Variants in BAHCC1 observed in about 807,000 individuals in gnomAD.
BAHCC1 encodes BAH and coiled-coil domain-containing protein 1.
A neutral mutation model predicts 88.2 loss-of-function variants in BAHCC1; 43 were observed. The ratio of observed to expected loss-of-function variants is 0.49; its 90% CI spans 0.38 to 0.63. The LOEUF is 0.63. Ranked by LOEUF, BAHCC1 falls within the 20% of genes least tolerant of loss-of-function variation. The pLI is 0.00. For synonymous variants in BAHCC1, 1,510 were observed against 745.5 expected, an observed-to-expected ratio of 2.03 and a Z score of -16.71; for missense variants, 3,023 against 1,654.8, an observed-to-expected ratio of 1.83 and a Z score of -14.34.
At chr17:81,414,495 C>A (rs982150195) in intron 2 of BAHCC1, among the ~76,000 whole-genome samples, 13 of 152,208 alleles carry the variant, frequency 8.5e-5, no homozygotes, top group Non-Finnish European at 4.4e-5. Context: ...GGGCCCCAAA[C>A]CCCCTCGGCC....
At chr17:81,445,946 G>A (rs548246257) in intron 10 of BAHCC1, among the ~76,000 whole-genome samples, 61 of 152,350 alleles carry the variant, frequency 4.0e-4, no homozygotes, top group African/African-American at 1.4e-3. Flanking sequence ...GCTGGCTGTC[G>A]TAGGGGCCCT....
intron 2 of BAHCC1, among the ~76,000 whole-genome samples, chr17:81,412,519 G>A (rs1019695882): frequency 2.0e-5 from 3 of 152,206 alleles, no homozygotes; most frequent in Admixed American, 6.5e-5. Flanking sequence ...GGTGGGAGGC[G>A]GCTGGGGGTC....
At position 81,445,461 on chromosome 17, in the gene BAHCC1, C is replaced by A; in HGVS notation, c.2943C>A (p.Pro981=). The A allele has an allele frequency of 1.3e-6, 1 of 760,162 alleles. No homozygotes were observed. The highest frequency in any genetic ancestry group is 2.5e-5 in the East Asian group (1 of 39,872). 47.1% of individuals were successfully genotyped at this position (760,162 alleles called of 1,614,324 possible). Residue 981 remains proline, a synonymous_variant, in exon 10 of 28, where the codon CCC becomes CCA. Transcript: ENST00000675386. ...VALTPTAPGA[P]SPAAGPTKLP... ...TAACCCCCACGGCCCCGGGCGCCCCCTCACCCGCTGCAGGCCCCACCAAGC... is the reference window on the plus strand; with the variant it reads ...TAACCCCCACGGCCCCGGGCGCCCCATCACCCGCTGCAGGCCCCACCAAGC...
intron 6 of BAHCC1, 179 bp downstream of exon 6, chr17:81,444,096 G>T: frequency 3.3e-6 from 2 of 607,982 alleles, no homozygotes; most frequent in Non-Finnish European, 5.9e-6. Context: ...GGGGTTGGGG[G>T]TCTCAGTTAA....
intron 15 of BAHCC1, 83 bp downstream of exon 15, chr17:81,455,473 G>T: frequency 1.5e-6 from 1 of 666,878 alleles, no homozygotes; most frequent in Non-Finnish European, 2.7e-6. Flanking sequence ...ACTCTCCCCA[G>T]CCCTGTGCCG....
At chr17:81,408,547 G>T (rs1209484229) in intron 2 of BAHCC1, among the ~76,000 whole-genome samples, 3 of 152,038 alleles carry the variant, frequency 2.0e-5, no homozygotes, top group East Asian at 3.9e-4. Context: ...TGCCACCCTG[G>T]AGTTCTGATC....
In BAHCC1 at chr17:81,447,178, G is replaced by A. The variant is rs1555654663; in HGVS notation, c.3306G>A (p.Leu1102=). ...AGCCTGAGCCCACAAGGACATTCCT[G>A]CCTGGGGAGCCGCCTCCCTGCAGCC... ...GAQPEPTRTF[L]PGEPPPCSPR... Residue 1102 remains leucine (L), a synonymous_variant, in exon 11 of 28, where the codon CTG becomes CTA. Coordinates refer to ENST00000675386, the MANE Select transcript of BAHCC1 (RefSeq NM_001377448.1). 1 of 770,584 alleles carries A rather than the reference G, an allele frequency of 1.3e-6. No individual in the cohort carries two copies. Among genetic ancestry groups the A allele is most frequent in the East Asian group, 2.4e-5 (1 of 41,190 alleles). 47.7% of individuals were successfully genotyped at this position (770,584 alleles called of 1,614,324 possible). A position where few individuals can be genotyped will look rare whatever the true frequency, so the allele number is the denominator to read the frequency against.
At chr17:81,423,349 G>A (rs910482284) in intron 2 of BAHCC1, among the ~76,000 whole-genome samples, 1 of 146,888 alleles carries the variant, frequency 6.8e-6, no homozygotes. Flanking sequence ...GGCAGCCCCC[G>A]CCGCCCCCCT....
chr17:81,418,715 C>T (rs971714302), intron 2 of BAHCC1, among the ~76,000 whole-genome samples: 14 of 151,952 alleles, frequency 9.2e-5, no homozygotes, highest in African/African-American at 2.7e-4. Context: ...CTCCCATGCC[C>T]GAGAACAGAG....
intron 14 of BAHCC1, among the ~76,000 whole-genome samples, chr17:81,453,887 C>T (rs782372778): frequency 1.2e-4 from 18 of 152,360 alleles, no homozygotes; most frequent in Non-Finnish European, 2.6e-4. Flanking sequence ...TGCAGGAAGT[C>T]GGGGAGCGGG....
At chr17:81,446,929 G>T (rs1021503559) in intron 10 of BAHCC1, 107 bp from the exon 11 acceptor site, 2 of 706,414 alleles carry the variant, frequency 2.8e-6, no homozygotes, top group Non-Finnish European at 5.2e-6. Context: ...GGGCCCTTCC[G>T]CACGGGCTTG....
At chr17:81,458,766 T>C in intron 19 of BAHCC1, 41 bp downstream of exon 19, 1 of 751,218 alleles carries the variant, frequency 1.3e-6, no homozygotes, top group Middle Eastern at 2.3e-4. Context: ...TGCACCCACC[T>C]GCACCCCGCC....
intron 2 of BAHCC1, chr17:81,415,441 G>A: frequency 2.2e-6 from 1 of 446,990 alleles, no homozygotes; most frequent in Non-Finnish European, 4.5e-6. Flanking sequence ...CCCTGGAAGG[G>A]TAACGCGAGC....
chr17:81,431,559 AC>A (rs2064261609), intron 3 of BAHCC1, among the ~76,000 whole-genome samples: 1 of 151,968 alleles, frequency 6.6e-6, no homozygotes, highest in Admixed American at 6.5e-5. Context: ...GGAGAGGGCC[AC>A]CCCTGGTTTG....
chr17:81,429,310 C>G (rs1008848775), intron 3 of BAHCC1, among the ~76,000 whole-genome samples: 2,059 of 152,314 alleles, frequency 0.014, 54 homozygotes, highest in African/African-American at 0.046. Context: ...CACACACCTG[C>G]GAGGCCCGTG....
chr17:81,462,646 T>G (rs1261225973), intron 26 of BAHCC1, 94 bp from the exon 27 acceptor site: 4 of 665,954 alleles, frequency 6.0e-6, no homozygotes, highest in Non-Finnish European at 8.1e-6. Flanking sequence ...AGACTCACAC[T>G]CACACCCACA....
In BAHCC1 at chr17:81,442,859, G is replaced by T. The variant is rs1200588998; in HGVS notation, c.1510G>T (p.Ala504Ser). 2 of 779,480 alleles carry T rather than the reference G, an allele frequency of 2.6e-6. No homozygotes were observed. The highest frequency in any genetic ancestry group is 4.8e-5 in the East Asian group (2 of 41,252). The allele number at this position is 779,480 out of a possible 1,614,324, so 48.3% of individuals were successfully genotyped here. A position where few individuals can be genotyped will look rare whatever the true frequency, so the allele number is the denominator to read the frequency against. The change falls in exon 5 of 28, where the codon GCC (alanine) becomes TCC (serine). Residue 504 changes from alanine to serine, a missense_variant. Transcript: ENST00000675386. ...FELPTSSQDC[A>S]RPGHQDPLGG... The stretch of plus-strand genomic sequence containing the variant: ...GTTGCCCACCTCTTCACAGGACTGT[G>T]CCCGGCCTGGTCACCAGGACCCGCT...
Position 81,451,208 on chromosome 17 carries a change from C to G in BAHCC1, c.3977-460C>G, listed in dbSNP as rs782205376. 4 of 163,252 alleles carry G rather than the reference C, an allele frequency of 2.5e-5. No individual in the cohort carries two copies. The South Asian group carries it at 5.5e-4, about 23-fold the overall frequency. 10.1% of individuals were successfully genotyped at this position (163,252 alleles called of 1,614,324 possible). ...CAGGCTTGAGCCACAGCATTCAACT[C>G]GGTTGAACTTCAGCAGCTTCCGTGC... On this transcript the variant is annotated intron_variant, in intron 11 of 27. Transcript: ENST00000675386.
chr17:81,411,827 A>T lies in BAHCC1; in HGVS notation c.178+11910A>T, dbSNP rs2063958642. ...GCACGCCTCAGCAAGGTCGTTCCCG[A>T]CAAGCCCCTCACCGCCCCGGCCCCT... On this transcript the variant is annotated intron_variant, in intron 2 of 27. Transcript: ENST00000675386. The surrounding 1 kb of genome is among the most constrained non-coding windows in gnomAD (Gnocchi z 6.2). Among the ~76,000 whole-genome samples, 2 of 152,050 alleles carry T rather than the reference A, an allele frequency of 1.3e-5. No homozygotes were observed. Among genetic ancestry groups the T allele is most frequent in the African/African-American group, 4.8e-5 (2 of 41,426 alleles).
Sources: allele counts gnomAD v4.1 joint callset (sites outside exome capture counted in the v4.1 genomes callset), GRCh38; gene constraint gnomAD v4.1.1; non-coding constraint Gnocchi (gnomAD v3.1); transcripts MANE v1.5; gene names NCBI Gene and HGNC (gene_info 2026-07-23, HGNC 2026-07-21).